Variants in PACSIN2 observed in about 807,000 individuals in gnomAD.
PACSIN2 encodes protein kinase C and casein kinase substrate in neurons 2, also known as protein kinase C and casein kinase substrate in neurons protein 2.
Under a neutral mutation model 63.8 loss-of-function variants are expected in PACSIN2, and 25 were observed. The observed-to-expected ratio is 0.39, with a 90% CI of 0.29 to 0.55. PACSIN2 has a LOEUF of 0.55. PACSIN2 is among the 20% of genes least tolerant of loss of function. The pLI, the probability that PACSIN2 is intolerant of heterozygous loss-of-function variation, is 0.62. For synonymous variants in PACSIN2, 255 were observed against 256.2 expected (o/e 1.00, Z 0.05); for missense variants, 518 against 646.9 (o/e 0.80, Z 2.16).
chr22:42,970,771 C>G (rs1438261372), intron 1 of PACSIN2, among the ~76,000 whole-genome samples: 1 of 152,138 alleles, frequency 6.6e-6, no homozygotes, highest in East Asian at 1.9e-4. Flanking sequence ...AAGGCAGGGC[C>G]CCGTGTAAGC....
intron 1 of PACSIN2, among the ~76,000 whole-genome samples, chr22:43,010,090 G>C (rs1029211634): frequency 1.3e-5 from 2 of 151,606 alleles, no homozygotes; most frequent in South Asian, 4.2e-4. Context: ...GGCTGGTCTC[G>C]AACTCCTGAC....
chr22:42,993,907 A>C (rs978662444), intron 1 of PACSIN2: 1 of 152,256 alleles, frequency 6.6e-6, no homozygotes, highest in Non-Finnish European at 1.5e-5. Context: ...ACTCCTATGC[A>C]GCTGAAGAAG....
At chr22:42,929,969 C>T (rs538577698) in intron 1 of PACSIN2, among the ~76,000 whole-genome samples, 5 of 152,180 alleles carry the variant, frequency 3.3e-5, no homozygotes, top group South Asian at 4.1e-4. Context: ...AGATGGAGGG[C>T]GGTCATCCAG....
chr22:42,924,156 G>A lies in PACSIN2; in HGVS notation c.-77-11999C>T, dbSNP rs5759038. On this transcript the variant is annotated intron_variant, in intron 1 of 10. Coordinates refer to ENST00000263246, the MANE Select transcript of PACSIN2 (RefSeq NM_001184970.3). ...CCCCCAGGCCCCAGCTTTAGGGAGC[G>A]GGGGAGGTCCATGAGCACCTCCTGG... Among the ~76,000 whole-genome samples, 2,153 of 151,986 alleles carry A rather than the reference G, an allele frequency of 0.014. 112 individuals carry two copies. In the East Asian group the frequency reaches 0.18, roughly 12 times the overall value.
chr22:42,937,949 G>C (rs1932982904), intron 1 of PACSIN2, among the ~76,000 whole-genome samples: 1 of 152,236 alleles, frequency 6.6e-6, no homozygotes, highest in Non-Finnish European at 1.5e-5. Flanking sequence ...GACAGCGGTA[G>C]AAGTCTCACC....
intron 2 of PACSIN2, among the ~76,000 whole-genome samples, chr22:42,898,788 C>A (rs1930472858): frequency 6.6e-6 from 1 of 152,150 alleles, no homozygotes; most frequent in Non-Finnish European, 1.5e-5. Context: ...CCTCTGAGAA[C>A]CCAATGTCAG....
rs75107981 is a variant in PACSIN2, at chr22:42,928,139, T to G, written c.-77-15982A>C. 3.1e-3 allele frequency among the ~76,000 whole-genome samples: 465 copies of G among 152,344 alleles called. 1 individual carries two copies. Among genetic ancestry groups the G allele is most frequent in the African/African-American group, 0.011 (445 of 41,570 alleles). ...AGATTTCAATCTGACATCCTCAATC[T>G]ACACTTAAGGGGCAAACCATAAACC... On this transcript the variant is annotated intron_variant, in intron 1 of 10. Transcript: ENST00000263246.
intron 1 of PACSIN2, among the ~76,000 whole-genome samples, chr22:42,964,762 C>T (rs1380186353): frequency 1.3e-5 from 2 of 152,148 alleles, no homozygotes; most frequent in African/African-American, 4.8e-5. Context: ...GCTCTGACCA[C>T]AAGCCTTTTC....
chr22:42,911,407 TA>T (rs75497964), intron 2 of PACSIN2, among the ~76,000 whole-genome samples: 404 of 111,422 alleles, frequency 3.6e-3, no homozygotes, highest in Admixed American at 4.3e-3. Context: ...CCTCAACTGT[TA>T]AAAAAAAAAA....
intron 1 of PACSIN2, among the ~76,000 whole-genome samples, chr22:42,994,807 G>A (rs570031184): frequency 6.6e-5 from 10 of 152,276 alleles, no homozygotes; most frequent in South Asian, 6.2e-4. Flanking sequence ...TGGGGGCTGC[G>A]GGGAGCACCC....
chr22:42,951,045 G>C (rs942582432), intron 1 of PACSIN2, among the ~76,000 whole-genome samples: 6 of 152,140 alleles, frequency 3.9e-5, no homozygotes, highest in Admixed American at 1.3e-4. Context: ...GAACATCTCT[G>C]GGTGGTGGAA....
intron 1 of PACSIN2, among the ~76,000 whole-genome samples, chr22:42,980,268 C>A (rs191178511): frequency 4.6e-5 from 7 of 152,302 alleles, no homozygotes; most frequent in Non-Finnish European, 8.8e-5. Flanking sequence ...AATCCCAGCA[C>A]TTTGAGAGGC....
intron 1 of PACSIN2, among the ~76,000 whole-genome samples, chr22:43,004,638 A>C (rs1051664608): frequency 4.6e-5 from 7 of 152,232 alleles, no homozygotes; most frequent in African/African-American, 1.7e-4. Context: ...ATTTAATATA[A>C]TGAAAGACAA....
intron 10 of PACSIN2, among the ~76,000 whole-genome samples, chr22:42,872,067 A>G (rs1425384830): frequency 6.6e-6 from 1 of 152,130 alleles, no homozygotes; most frequent in East Asian, 1.9e-4. Flanking sequence ...CTGTTCTGGA[A>G]TCTCCCTGTG....
At position 42,893,527 on chromosome 22, in the gene PACSIN2, C is replaced by T. The variant is rs368710509; in HGVS notation, c.147G>A (p.Ala49=). 50 of 1,614,102 alleles carry T rather than the reference C, an allele frequency of 3.1e-5. No homozygotes were observed. In the African/African-American group the frequency reaches 5.1e-4, roughly 16 times the overall value. Reference sequence around the variant, plus strand: ...GCTGCGCATACGCCTTCTCGATGCGCGCCCGCTCATGCAGGCAGTTCATGA... The same window carrying T: ...GCTGCGCATACGCCTTCTCGATGCGTGCCCGCTCATGCAGGCAGTTCATGA... ...SDLMNCLHER[A]RIEKAYAQQL... Residue 49 remains alanine, a synonymous_variant, in exon 3 of 11, where the codon GCG becomes GCA. Coordinates refer to ENST00000263246, the MANE Select transcript of PACSIN2 (RefSeq NM_001184970.3).
intron 1 of PACSIN2, among the ~76,000 whole-genome samples, chr22:42,946,618 C>T (rs1211495011): frequency 6.6e-6 from 1 of 152,238 alleles, no homozygotes; most frequent in African/African-American, 2.4e-5. Context: ...CCCAGTTACA[C>T]AACACACAAA....
At chr22:42,872,198 T>C (rs561210531) in intron 10 of PACSIN2, among the ~76,000 whole-genome samples, 1 of 152,210 alleles carries the variant, frequency 6.6e-6, no homozygotes, top group African/African-American at 2.4e-5. Context: ...TGATGGATCC[T>C]GGTCTCAAGG....
chr22:42,993,552 A>T (rs1923192695), intron 1 of PACSIN2: 1 of 152,272 alleles, frequency 6.6e-6, no homozygotes, highest in African/African-American at 2.4e-5. Flanking sequence ...ACATTTTAAA[A>T]TGTAAAAGAT....
At chr22:42,878,583 G>A (rs989535311) in intron 8 of PACSIN2, among the ~76,000 whole-genome samples, 1 of 152,218 alleles carries the variant, frequency 6.6e-6, no homozygotes, top group African/African-American at 2.4e-5. Context: ...TTGGAAAGGA[G>A]ATGCCTGGCA....
Sources: allele counts gnomAD v4.1 joint callset (sites outside exome capture counted in the v4.1 genomes callset), GRCh38; gene constraint gnomAD v4.1.1; transcripts MANE v1.5; gene names NCBI Gene and HGNC (gene_info 2026-07-23, HGNC 2026-07-21).